Variants in PTPRD observed in about 807,000 individuals in gnomAD.
The protein encoded by PTPRD is protein tyrosine phosphatase receptor type D, also known as receptor-type tyrosine-protein phosphatase delta.
In PTPRD, 34 loss-of-function variants were observed where a neutral mutation model predicts 214.5. That is an observed-to-expected ratio of 0.16 (90% CI 0.12 to 0.21). PTPRD has a LOEUF of 0.21. Among genes scored for constraint, PTPRD ranks in the 10% least tolerant of loss-of-function variants. PTPRD has a pLI of 1.00. For synonymous variants in PTPRD, 1,128 were observed against 845.7 expected (o/e 1.33, Z -5.79); for missense variants, 2,545 against 2,398.7 (o/e 1.06, Z -1.27).
intron 5 of PTPRD, among the ~76,000 whole-genome samples, chr9:9,832,876 G>C (rs2055360364): frequency 1.4e-5 from 2 of 147,642 alleles, no homozygotes; most frequent in Non-Finnish European, 3.0e-5. Context: ...TTAAAGAATG[G>C]GAAGCTTTTT....
At chr9:10,224,116 T>C (rs562773659) in intron 3 of PTPRD, among the ~76,000 whole-genome samples, 6 of 152,000 alleles carry the variant, frequency 3.9e-5, no homozygotes, top group Non-Finnish European at 8.8e-5. Flanking sequence ...TTGAGAATAA[T>C]AACACCAATA....
chr9:9,075,719 G>A (rs2099750063), intron 10 of PTPRD, among the ~76,000 whole-genome samples: 1 of 152,138 alleles, frequency 6.6e-6, no homozygotes, highest in Admixed American at 6.6e-5. Context: ...CTTCATCCAT[G>A]TCCCTACCAA....
At chr9:9,750,633 A>ATGTGTG (rs1040424407) in intron 6 of PTPRD, among the ~76,000 whole-genome samples, 31 of 152,034 alleles carry the variant, frequency 2.0e-4, no homozygotes, top group African/African-American at 7.0e-4. Flanking sequence ...GGGTGTGGGT[A>ATGTGTG]TGTGTGTGTG....
chr9:8,761,912 C>T (rs970505369), intron 11 of PTPRD, among the ~76,000 whole-genome samples: 1 of 152,142 alleles, frequency 6.6e-6, no homozygotes, highest in African/African-American at 2.4e-5. Context: ...CCTAGCTTCT[C>T]TGGTGAGCTA....
intron 11 of PTPRD, among the ~76,000 whole-genome samples, chr9:8,762,929 A>G (rs930596049): frequency 1.3e-5 from 2 of 152,184 alleles, no homozygotes; most frequent in African/African-American, 4.8e-5. Context: ...ATCTCCCAGC[A>G]TGGGATGGAG....
In PTPRD at chr9:8,424,335, C is replaced by G. The variant is rs373121588; in HGVS notation, c.4086+12257G>C. Among the ~76,000 whole-genome samples the G allele has an allele frequency of 6.6e-5, 10 of 152,028 alleles. No homozygotes were observed. The East Asian group carries it at 1.6e-3, about 24-fold the overall frequency. ...AGTGGTCAGAACATTACCCAGACCT[C>G]AGACTACACGGGTTCATATCCTAGC... On this transcript the variant is annotated intron_variant, in intron 35 of 45. Coordinates refer to ENST00000381196, the MANE Select transcript of PTPRD (RefSeq NM_002839.4).
intron 8 of PTPRD, among the ~76,000 whole-genome samples, chr9:9,561,290 C>A (rs1164524293): frequency 1.3e-5 from 2 of 152,140 alleles, no homozygotes; most frequent in Non-Finnish European, 1.5e-5. Flanking sequence ...CCCATGGATA[C>A]CTTGCATGTA....
At chr9:9,296,166 G>C (rs192175733) in intron 9 of PTPRD, among the ~76,000 whole-genome samples, 1 of 151,696 alleles carries the variant, frequency 6.6e-6, no homozygotes, top group Non-Finnish European at 1.5e-5. Flanking sequence ...ATTAACAAAA[G>C]GGCTATAAAA....
At chr9:9,192,694 T>C (rs1241002716) in intron 9 of PTPRD, among the ~76,000 whole-genome samples, 1 of 151,982 alleles carries the variant, frequency 6.6e-6, no homozygotes, top group Non-Finnish European at 1.5e-5. Flanking sequence ...TCAGAACCAA[T>C]AATGAAATAA....
intron 11 of PTPRD, among the ~76,000 whole-genome samples, chr9:8,984,968 G>A (rs2099331691): frequency 6.6e-6 from 1 of 151,964 alleles, no homozygotes; most frequent in African/African-American, 2.4e-5. Flanking sequence ...TTGGGCTTTG[G>A]AAATGATTGA....
intron 2 of PTPRD, among the ~76,000 whole-genome samples, chr9:10,557,028 T>A (rs906283144): frequency 6.6e-6 from 1 of 152,134 alleles, no homozygotes; most frequent in Non-Finnish European, 1.5e-5. Context: ...ATATTACTTA[T>A]GAAAAACAGG....
intron 2 of PTPRD, among the ~76,000 whole-genome samples, chr9:10,385,843 T>G (rs1445927530): frequency 1.6e-5 from 2 of 127,332 alleles, no homozygotes; most frequent in African/African-American, 5.0e-5. Context: ...AATACTAAAT[T>G]CTTTTCTTTA....
intron 9 of PTPRD, among the ~76,000 whole-genome samples, chr9:9,322,218 A>G (rs759948151): frequency 6.6e-6 from 1 of 152,164 alleles, no homozygotes; most frequent in South Asian, 2.1e-4. Context: ...GTAGAGTCCT[A>G]TGACTTTCAC....
chr9:9,197,161 C>T (rs2099939064), intron 9 of PTPRD, among the ~76,000 whole-genome samples: 9 of 152,146 alleles, frequency 5.9e-5, no homozygotes, highest in Admixed American at 5.9e-4. Context: ...GCAGAGTTAT[C>T]TTCACTTTCT....
intron 9 of PTPRD, among the ~76,000 whole-genome samples, chr9:9,272,676 C>A (rs1016008163): frequency 6.6e-6 from 1 of 151,344 alleles, no homozygotes; most frequent in Non-Finnish European, 1.5e-5. Context: ...TTTTCTGTCA[C>A]CAGACTGCCT....
intron 11 of PTPRD, among the ~76,000 whole-genome samples, chr9:8,746,246 C>T (rs1454476754): frequency 6.6e-6 from 1 of 152,016 alleles, no homozygotes; most frequent in Non-Finnish European, 1.5e-5. Context: ...CACTTTATTA[C>T]GAAGTTGCTG....
At chr9:8,337,749 G>C (rs902421961) in intron 43 of PTPRD, among the ~76,000 whole-genome samples, 1 of 152,000 alleles carries the variant, frequency 6.6e-6, no homozygotes, top group African/African-American at 2.4e-5. Context: ...GAATAGGAAA[G>C]GTGTCTCTGC....
intron 10 of PTPRD, among the ~76,000 whole-genome samples, chr9:9,087,108 G>A (rs1353986944): frequency 1.3e-5 from 2 of 151,948 alleles, no homozygotes; most frequent in Non-Finnish European, 2.9e-5. Flanking sequence ...TCTCTGAGTT[G>A]GCTTTTTTTT....
chr9:8,894,224 G>C (rs1338664260), intron 11 of PTPRD, among the ~76,000 whole-genome samples: 1 of 151,684 alleles, frequency 6.6e-6, no homozygotes. Context: ...GTGTGGTAAT[G>C]CGTGCCTGTA....
Sources: gnomAD v4.1 joint callset for allele counts (sites outside exome capture counted in the v4.1 genomes callset) on GRCh38, gnomAD v4.1.1 for gene constraint, MANE v1.5 for transcripts, NCBI Gene and HGNC (gene_info 2026-07-23, HGNC 2026-07-21) for gene names.